Variants in SLC9C1 observed in about 807,000 individuals in gnomAD.
SLC9C1 encodes sodium/hydrogen exchanger 10.
Under a neutral mutation model 140.9 loss-of-function variants are expected in SLC9C1, and 97 were observed. The ratio of observed to expected loss-of-function variants is 0.69; its 90% CI spans 0.58 to 0.82. The LOEUF (loss-of-function observed/expected upper bound fraction) is 0.82. SLC9C1 is among the 40% of genes least tolerant of loss of function. The probability of loss-of-function intolerance (pLI) is 0.00; values close to 1 mark genes in which losing one functional copy is unlikely to be tolerated. For synonymous variants in SLC9C1, 440 were observed against 442.6 expected, an observed-to-expected ratio of 0.99 and a Z score of 0.07; for missense variants, 1,340 against 1,389.3, an observed-to-expected ratio of 0.96 and a Z score of 0.56.
intron 26 of SLC9C1, among the ~76,000 whole-genome samples, chr3:112,155,906 G>T (rs902219242): frequency 3.3e-5 from 5 of 151,908 alleles, no homozygotes; most frequent in Non-Finnish European, 5.9e-5. Context: ...TACATATTTT[G>T]GGGGTACATA....
intron 10 of SLC9C1, among the ~76,000 whole-genome samples, chr3:112,254,485 A>C (rs4481127): frequency 0.3 from 45,024 of 149,586 alleles, 7,228 homozygotes; most frequent in East Asian, 0.43. Context: ...ATCCAGCCAA[A>C]CTAAGCTTCC....
At position 112,283,175 on chromosome 3, in the gene SLC9C1, G is replaced by A. The variant is rs555975580; in HGVS notation, c.89-2392C>T. ...CTCAAGACTATTGAAATGAGGGGAG[G>A]GGATCTGAATTCCCAAAAGAATGTC... On this transcript the variant is annotated intron_variant, in intron 2 of 28. Coordinates refer to ENST00000305815, the MANE Select transcript of SLC9C1 (RefSeq NM_183061.3). 4.1e-4 allele frequency among the ~76,000 whole-genome samples: 63 copies of A among 152,158 alleles called. 1 individual carries two copies. The South Asian group carries it at 0.012, about 30-fold the overall frequency.
intron 24 of SLC9C1, 50 bp from the exon 25 acceptor site, chr3:112,169,112 T>C: frequency 1.3e-6 from 2 of 1,571,950 alleles, no homozygotes; most frequent in Non-Finnish European, 8.6e-7. Context: ...TGAAGTTCAG[T>C]ATATATTCAT....
intron 1 of SLC9C1, among the ~76,000 whole-genome samples, chr3:112,287,956 T>C (rs1576537072): frequency 7.5e-6 from 1 of 133,554 alleles, no homozygotes; most frequent in Admixed American, 9.4e-5. Context: ...GGCAGGAAAA[T>C]GGCGTGAACC....
intron 23 of SLC9C1, among the ~76,000 whole-genome samples, chr3:112,169,568 A>T (rs2077207453): frequency 6.6e-6 from 1 of 152,042 alleles, no homozygotes; most frequent in African/African-American, 2.4e-5. Context: ...CTGGGTTTTT[A>T]AATTCTGTTC....
At chr3:112,289,238 G>A (rs1195370257) in intron 1 of SLC9C1, among the ~76,000 whole-genome samples, 1 of 152,194 alleles carries the variant, frequency 6.6e-6, no homozygotes, top group South Asian at 2.1e-4. Context: ...TTGTTGCGGT[G>A]AAGGAGATGA....
At chr3:112,262,304 CTGAG>C (rs1472790950) in intron 10 of SLC9C1, among the ~76,000 whole-genome samples, 1 of 151,684 alleles carries the variant, frequency 6.6e-6, no homozygotes, top group African/African-American at 2.4e-5. Flanking sequence ...AATATTTGGA[CTGAG>C]TATTATTTAA....
At chr3:112,215,053 A>G (rs996326811) in intron 15 of SLC9C1, among the ~76,000 whole-genome samples, 3 of 152,226 alleles carry the variant, frequency 2.0e-5, no homozygotes, top group African/African-American at 7.2e-5. Flanking sequence ...GTCTGGTTCA[A>G]CATACACAAA....
At chr3:112,243,162 C>A (rs1018512413) in intron 11 of SLC9C1, among the ~76,000 whole-genome samples, 4 of 151,922 alleles carry the variant, frequency 2.6e-5, no homozygotes, top group African/African-American at 9.7e-5. Flanking sequence ...GCTAGCCACC[C>A]CAAGATAGCC....
intron 28 of SLC9C1, among the ~76,000 whole-genome samples, chr3:112,145,410 G>A (rs1357405348): frequency 6.6e-6 from 1 of 152,090 alleles, no homozygotes; most frequent in Non-Finnish European, 1.5e-5. Flanking sequence ...ATATTGGCCT[G>A]TAGTTGTCTT....
At chr3:112,223,085 A>G (rs1209056766) in intron 13 of SLC9C1, among the ~76,000 whole-genome samples, 3 of 152,196 alleles carry the variant, frequency 2.0e-5, no homozygotes, top group Non-Finnish European at 4.4e-5. Flanking sequence ...AATATATTAA[A>G]GAATGAAATA....
chr3:112,269,842 G>A, intron 7 of SLC9C1, 74 bp downstream of exon 7: 1 of 1,290,970 alleles, frequency 7.7e-7, no homozygotes, highest in Non-Finnish European at 1.0e-6. Flanking sequence ...CTTTTGCCTG[G>A]TATGCATTTT....
chr3:112,219,744 A>C (rs1309834783), intron 14 of SLC9C1, among the ~76,000 whole-genome samples: 2 of 151,814 alleles, frequency 1.3e-5, no homozygotes, highest in Non-Finnish European at 2.9e-5. Context: ...GTGCCTGGCT[A>C]ATTTTTTTGT....
chr3:112,275,032 A>G lies in SLC9C1; in HGVS notation c.485-7T>C. 1 of 1,551,694 alleles carries G rather than the reference A, an allele frequency of 6.4e-7. No homozygotes were observed. Among genetic ancestry groups the G allele is most frequent in the Non-Finnish European group, 8.6e-7 (1 of 1,160,412 alleles). On this transcript the variant is annotated splice_region_variant and splice_polypyrimidine_tract_variant and intron_variant, in intron 5 of 28. Coordinates refer to ENST00000305815, the MANE Select transcript of SLC9C1 (RefSeq NM_183061.3). ...ATGAGGCTTCTAGAAAGCCCTACAT[A>G]TGTTGAGGGGGAAAGATGTTTTTTA... is the stretch of plus-strand genomic sequence containing the variant.
intron 28 of SLC9C1, among the ~76,000 whole-genome samples, chr3:112,143,288 C>T (rs1005811326): frequency 4.6e-5 from 7 of 152,028 alleles, no homozygotes; most frequent in South Asian, 4.1e-4. Flanking sequence ...AATGGTAGTT[C>T]TGTTTTAAGT....
chr3:112,200,898 G>A lies in SLC9C1; in HGVS notation c.2323-136C>T, dbSNP rs1333201194. On this transcript the variant is annotated intron_variant, in intron 18 of 28. Coordinates refer to ENST00000305815, the MANE Select transcript of SLC9C1 (RefSeq NM_183061.3). ...AGGATGAAGAGGTTTTCAGGGGTTCGAATTGAATTTTGTGCCGCAGCACTT... is the reference window on the plus strand; with the variant it reads ...AGGATGAAGAGGTTTTCAGGGGTTCAAATTGAATTTTGTGCCGCAGCACTT... 7.4e-5 allele frequency: 55 copies of A among 744,180 alleles called. No individual in the cohort carries two copies. The East Asian group carries it at 8.3e-4, about 11-fold the overall frequency. 46.1% of individuals were successfully genotyped at this position (744,180 alleles called of 1,614,324 possible).
At chr3:112,162,379 C>G (rs1384244374) in intron 26 of SLC9C1, among the ~76,000 whole-genome samples, 10 of 152,020 alleles carry the variant, frequency 6.6e-5, no homozygotes, top group African/African-American at 2.4e-4. Context: ...CCAGTTTTTG[C>G]CCATTCAGTA....
At chr3:112,270,806 A>G (rs145124912) in intron 6 of SLC9C1, among the ~76,000 whole-genome samples, 2,456 of 151,876 alleles carry the variant, frequency 0.016, 72 homozygotes, top group African/African-American at 0.056. Flanking sequence ...AGAGAGCAAG[A>G]CTCTGTCTCA....
At chr3:112,180,761 A>G in intron 21 of SLC9C1, 99 bp from the exon 22 acceptor site, 4 of 977,382 alleles carry the variant, frequency 4.1e-6, no homozygotes, top group Non-Finnish European at 6.1e-6. Flanking sequence ...TTTGAGACGG[A>G]GTCTCGCTCT....
Sources: gnomAD v4.1 joint callset for allele counts (sites outside exome capture counted in the v4.1 genomes callset) on GRCh38, gnomAD v4.1.1 for gene constraint, MANE v1.5 for transcripts, NCBI Gene and HGNC (gene_info 2026-07-23, HGNC 2026-07-21) for gene names.